TAF1: variants seen among roughly 807,000 people sequenced by gnomAD.
TAF1 encodes TATA-box binding protein associated factor 1, also known as transcription initiation factor TFIID subunit 1.
In TAF1, 2 loss-of-function variants were observed where a neutral mutation model predicts 138.5. That is an observed-to-expected ratio of 0.01 (90% confidence interval 0.01 to 0.05). The LOEUF is 0.05. Ranked by LOEUF, TAF1 falls within the 10% of genes least tolerant of loss-of-function variation. The pLI is 1.00. For missense variants in TAF1, 709 were observed against 1,478.0 expected, an observed-to-expected ratio of 0.48 and a Z score of 8.53; for synonymous variants, 437 against 503.2, an observed-to-expected ratio of 0.87 and a Z score of 1.76.
intron 13 of TAF1, among the ~76,000 whole-genome samples, chrX:71,503,978 A>T (rs1321905051): frequency 9.0e-6 from 1 of 111,411 alleles, no homozygotes; most frequent in Non-Finnish European, 1.9e-5. Flanking sequence ...GACGTGATTG[A>T]AGTCCACAGC....
At chrX:71,457,557 A>C (rs2038361264) in intron 34 of TAF1, among the ~76,000 whole-genome samples, 1 of 112,171 alleles carries the variant, frequency 8.9e-6, no homozygotes, top group Admixed American at 9.5e-5. Flanking sequence ...AGGGCAGAAA[A>C]CAGGGAAGGG....
rs2032476477 is a variant in TAF1 at position 71,366,402 on chromosome X, T to G, written c.28T>G (p.Ser10Ala). 3.3e-6 allele frequency: 4 copies of G among 1,206,504 alleles called. No homozygotes were observed. The highest frequency in any genetic ancestry group is 1.8e-5 in the African/African-American group (1 of 56,064). The change falls in exon 1 of 38, where the codon TCC becomes GCC. Residue 10 changes from serine (S) to alanine (A), a missense_variant. Physicochemically the swap from Ser to Ala is moderately conservative, Grantham distance 99 (BLOSUM62 1). This residue lies in a region of TAF1 where 123 missense variants were observed against 161.6 expected (regional missense o/e 0.76). Transcript: ENST00000423759. ...GTCAGACACGGACAGCGACGAAGATTCCGCTGGAGGCGGCCCATTTTCTTT... is the reference window on the plus strand; with the variant it reads ...GTCAGACACGGACAGCGACGAAGATGCCGCTGGAGGCGGCCCATTTTCTTT... Reference protein sequence around the residue: MSDTDSDEDSAGGGPFSLAG... With the variant: MSDTDSDEDAAGGGPFSLAG...
chrX:71,489,390 G>A (rs1423141369), intron 13 of TAF1, among the ~76,000 whole-genome samples: 1 of 110,754 alleles, frequency 9.0e-6, no homozygotes, highest in Non-Finnish European at 1.9e-5. Context: ...AGAAATGTAA[G>A]GCTAGGCTGG....
intron 3 of TAF1, among the ~76,000 whole-genome samples, chrX:71,369,513 A>G (rs898382582): frequency 1.8e-5 from 2 of 111,838 alleles, no homozygotes; most frequent in Non-Finnish European, 3.8e-5. Context: ...AAGTAATACA[A>G]TTAGCTAGTA....
intron 32 of TAF1, among the ~76,000 whole-genome samples, chrX:71,438,117 A>G (rs903623984): frequency 9.0e-6 from 1 of 111,123 alleles, no homozygotes; most frequent in Non-Finnish European, 1.9e-5. Context: ...GATTACAGGT[A>G]TGAGCCATCA....
intron 23 of TAF1, 61 bp downstream of exon 23, chrX:71,397,527 A>C (rs1226764264): frequency 7.7e-6 from 9 of 1,166,852 alleles, no homozygotes; most frequent in Non-Finnish European, 1.0e-5. Context: ...TCTGCGGCCC[A>C]GGTGGAGTGC....
intron 32 of TAF1, among the ~76,000 whole-genome samples, chrX:71,448,849 G>A (rs2037819659): frequency 1.0e-5 from 1 of 97,410 alleles, no homozygotes; most frequent in Non-Finnish European, 2.0e-5. Context: ...ACGGAGTTTC[G>A]CTCTTGTTGC....
intron 13 of TAF1, among the ~76,000 whole-genome samples, chrX:71,482,534 T>C (rs2039089541): frequency 8.9e-6 from 1 of 112,675 alleles, no homozygotes; most frequent in African/African-American, 3.2e-5. Context: ...ATATAAGTTA[T>C]GTTTACACTA....
intron 13 of TAF1, among the ~76,000 whole-genome samples, chrX:71,527,547 T>C (rs138791388): frequency 0.028 from 3,155 of 110,994 alleles, 112 homozygotes; most frequent in African/African-American, 0.098. Flanking sequence ...TTAAGGAGAA[T>C]CTGAGAATTC....
intron 2 of TAF1, 140 bp downstream of exon 2, chrX:71,367,753 C>T: frequency 1.4e-6 from 1 of 704,247 alleles, no homozygotes. Flanking sequence ...TGACTGCAGC[C>T]TCCGCCACCC....
At chrX:71,467,586 G>A (rs779283770), downstream of TAF1, among the ~76,000 whole-genome samples, 11 of 111,712 alleles carry the variant, frequency 9.8e-5, no homozygotes, top group Admixed American at 2.9e-4. Flanking sequence ...CATGCTTTAT[G>A]TATTAGGTTT....
rs1210578907 is a variant in TAF1, at chrX:71,471,318, T to TA, written c.1366+10530dup. On this transcript the variant is annotated intron_variant and NMD_transcript_variant, in intron 13 of 14. Transcript: ENST00000373775. Reference sequence around the variant, plus strand: ...CCTGGTGACAGAGCGAGACTCCGTCTAAAAAAAAAAAAAAATATATATATA... The same window carrying TA: ...CCTGGTGACAGAGCGAGACTCCGTCTAAAAAAAAAAAAAAAATATATATATA... Among the ~76,000 whole-genome samples, 193 of 84,881 alleles carry TA rather than the reference T, an allele frequency of 2.3e-3. 2 individuals carry two copies. Among genetic ancestry groups the TA allele is most frequent in the Middle Eastern group, 0.013 (2 of 154 alleles). 73.7% of individuals were successfully genotyped at this position (84,881 alleles called of 115,157 possible).
rs2035569082 is a variant in TAF1, at chrX:71,408,115, C to G, written c.4348C>G (p.Leu1450Val). The G allele has an allele frequency of 1.2e-5, 14 of 1,211,155 alleles. No homozygotes were observed. The highest frequency in any genetic ancestry group is 1.3e-5 in the Non-Finnish European group (12 of 895,410). The change falls in exon 28 of 38, where the codon CTG becomes GTG. Residue 1450 changes from leucine (L) to valine (V), a missense_variant. By Grantham distance (32) the Leu-to-Val change is conservative (BLOSUM62 1). Around this residue, in one of 14 missense-constraint regions of TAF1, gnomAD observed 63 missense variants for 163.3 expected, o/e 0.39. Coordinates refer to ENST00000423759, the MANE Select transcript of TAF1 (RefSeq NM_004606.5). ...ATCTCGGGAAGAGTTCAGAGAGCATCTGGAGCTAATTGTGAAAAATAGTGC... is the reference window on the plus strand; with the variant it reads ...ATCTCGGGAAGAGTTCAGAGAGCATGTGGAGCTAATTGTGAAAAATAGTGC... ...YPSREEFREH[L>V]ELIVKNSATY...
chrX:71,513,851 C>T (rs1382889294), intron 13 of TAF1, among the ~76,000 whole-genome samples: 1 of 111,379 alleles, frequency 9.0e-6, no homozygotes, highest in Non-Finnish European at 1.9e-5. Context: ...ATGCACCAAT[C>T]AGCACTCTGT....
At chrX:71,423,894 AT>A in intron 30 of TAF1, 79 bp from the exon 31 acceptor site, 1 of 789,670 alleles carries the variant, frequency 1.3e-6, no homozygotes, top group East Asian at 3.2e-5. Context: ...TTTTAGGAAT[AT>A]TTGTAACCCA....
chrX:71,455,320 C>G (rs1466706976), intron 34 of TAF1, among the ~76,000 whole-genome samples: 3 of 111,388 alleles, frequency 2.7e-5, no homozygotes, highest in Non-Finnish European at 5.7e-5. Context: ...TGGATTGACT[C>G]CTAGTAAATG....
chrX:71,452,430 G>C (rs1189043776), intron 32 of TAF1, among the ~76,000 whole-genome samples: 16 of 110,650 alleles, frequency 1.4e-4, no homozygotes, highest in Non-Finnish European at 2.7e-4. Flanking sequence ...ACGGGGTGGC[G>C]GGGCAGAGGC....
rs932730606 is a variant in TAF1, at chrX:71,389,856, G to GT, written c.2781+200dup. On this transcript the variant is annotated intron_variant, in intron 18 of 37. Transcript: ENST00000423759. ...ATTATATTTTATATGATATGGGTTT[G>GT]TTTTTTTTTGTTTGTTTTGTTTTTT... is the stretch of plus-strand genomic sequence containing the variant. 890 of 304,561 alleles carry GT rather than the reference G, an allele frequency of 2.9e-3. 1 individual carries two copies. The highest frequency in any genetic ancestry group is 5.9e-3 in the African/African-American group (207 of 35,013). The allele number at this position is 304,561 out of a possible 1,213,427, so 25.1% of individuals were successfully genotyped here. A position where few individuals can be genotyped will look rare whatever the true frequency, so the allele number is the denominator to read the frequency against.
intron 15 of TAF1, 87 bp from the exon 16 acceptor site, chrX:71,388,150 A>G: frequency 8.9e-7 from 1 of 1,129,025 alleles, no homozygotes; most frequent in Non-Finnish European, 1.2e-6. Flanking sequence ...AGATGAAAAT[A>G]CATTAGAGCT....
Sources: allele counts gnomAD v4.1 joint callset (sites outside exome capture counted in the v4.1 genomes callset), GRCh38; gene constraint gnomAD v4.1.1; regional missense constraint gnomAD v4.1.1; transcripts MANE v1.5; gene names NCBI Gene and HGNC (gene_info 2026-07-23, HGNC 2026-07-21).